The following DNER variants were observed in gnomAD, a reference collection of about 807,000 sequenced individuals.
The protein encoded by DNER is delta/notch like EGF repeat containing.
Under a neutral mutation model 78.2 loss-of-function variants are expected in DNER, and 33 were observed. The ratio of observed to expected loss-of-function variants is 0.42; its 90% CI spans 0.32 to 0.56. The LOEUF is 0.56. Ranked by LOEUF, DNER falls within the 20% of genes least tolerant of loss-of-function variation. The pLI, the probability that DNER is intolerant of heterozygous loss-of-function variation, is 0.11. For synonymous variants in DNER, 417 were observed against 384.8 expected (o/e 1.08, Z -0.98); for missense variants, 918 against 975.3 (o/e 0.94, Z 0.78).
At chr2:229,397,414 C>G (rs1257770426) in intron 10 of DNER, among the ~76,000 whole-genome samples, 1 of 123,924 alleles carries the variant, frequency 8.1e-6, no homozygotes, top group East Asian at 2.5e-4. Context: ...GGCAGCCTAA[C>G]AAGACAAAAA....
intron 1 of DNER, among the ~76,000 whole-genome samples, chr2:229,709,860 G>C (rs1272367540): frequency 6.6e-6 from 1 of 152,098 alleles, no homozygotes; most frequent in Non-Finnish European, 1.5e-5. Flanking sequence ...TAATACAAAT[G>C]TAAATAGCCC....
intron 8 of DNER, among the ~76,000 whole-genome samples, chr2:229,430,227 A>G (rs893780378): frequency 3.9e-5 from 6 of 152,144 alleles, no homozygotes; most frequent in South Asian, 4.1e-4. Context: ...ATGTTTTCTA[A>G]TTTTCCATTA....
chr2:229,512,970 TG>T (rs1695898819), intron 5 of DNER, 34 bp from the exon 6 acceptor site: 1 of 1,603,770 alleles, frequency 6.2e-7, no homozygotes, highest in African/African-American at 1.3e-5. Context: ...GTCTATTACC[TG>T]GCACCTCTCA....
chr2:229,452,843 GTC>G (rs1694490132), intron 7 of DNER, among the ~76,000 whole-genome samples: 1 of 151,984 alleles, frequency 6.6e-6, no homozygotes, highest in Non-Finnish European at 1.5e-5. Flanking sequence ...GGCCAGGCTG[GTC>G]TTGAACTCCT....
chr2:229,551,120 G>C (rs557086763), intron 4 of DNER, among the ~76,000 whole-genome samples: 1 of 152,310 alleles, frequency 6.6e-6, no homozygotes, highest in East Asian at 1.9e-4. Flanking sequence ...AGTCAGGACA[G>C]ACTTCCTACA....
intron 7 of DNER, among the ~76,000 whole-genome samples, chr2:229,459,284 G>T (rs933286605): frequency 1.3e-5 from 2 of 152,042 alleles, no homozygotes; most frequent in Admixed American, 6.6e-5. Flanking sequence ...AATCAAGTAA[G>T]TAGCTCTTAT....
chr2:229,563,089 TCAA>T (rs1370214447), intron 4 of DNER, among the ~76,000 whole-genome samples: 17 of 144,276 alleles, frequency 1.2e-4, no homozygotes, highest in South Asian at 2.4e-4. Context: ...ACCATCATCA[TCAA>T]CATCATCACA....
intron 1 of DNER, among the ~76,000 whole-genome samples, chr2:229,642,153 A>C (rs1559192853): frequency 6.6e-6 from 1 of 152,244 alleles, no homozygotes. Context: ...ACTTGTCTTT[A>C]AATTGATTTT....
chr2:229,407,971 G>T (rs1167751062), intron 9 of DNER, among the ~76,000 whole-genome samples: 1 of 152,184 alleles, frequency 6.6e-6, no homozygotes, highest in Non-Finnish European at 1.5e-5. Context: ...AAGGAGCTGG[G>T]ATTTGAAGCT....
At chr2:229,672,979 C>T (rs972242803) in intron 1 of DNER, among the ~76,000 whole-genome samples, 17 of 152,192 alleles carry the variant, frequency 1.1e-4, no homozygotes, top group African/African-American at 2.9e-4. Flanking sequence ...TGAGAGCCGC[C>T]CTGTGCACTG....
intron 10 of DNER, among the ~76,000 whole-genome samples, chr2:229,395,770 C>T (rs1376774815): frequency 3.9e-5 from 6 of 152,014 alleles, no homozygotes; most frequent in Non-Finnish European, 2.9e-5. Context: ...CGTGGTGGCA[C>T]ACCTGTAATC....
intron 5 of DNER, among the ~76,000 whole-genome samples, chr2:229,520,983 C>T (rs1696083817): frequency 6.6e-6 from 1 of 152,242 alleles, no homozygotes; most frequent in Non-Finnish European, 1.5e-5. Context: ...GTCTGGCTGC[C>T]TCTCAGCTTC....
At chr2:229,428,034 C>T (rs1368955923) in intron 8 of DNER, among the ~76,000 whole-genome samples, 3 of 148,598 alleles carry the variant, frequency 2.0e-5, no homozygotes, top group Non-Finnish European at 3.0e-5. Flanking sequence ...GGGATCGCAC[C>T]ACTGCATTCT....
chr2:229,569,262 C>A (rs977953327), intron 4 of DNER, among the ~76,000 whole-genome samples: 7 of 152,326 alleles, frequency 4.6e-5, no homozygotes, highest in African/African-American at 1.4e-4. Context: ...GTTGCTCAAG[C>A]CTGTAATCCC....
intron 1 of DNER, among the ~76,000 whole-genome samples, chr2:229,596,292 C>G (rs1318095357): frequency 6.6e-6 from 1 of 152,234 alleles, no homozygotes; most frequent in Non-Finnish European, 1.5e-5. Flanking sequence ...GGCCCAGTCT[C>G]AGGTCTTGAG....
At chr2:229,609,556 G>A (rs1434868761) in intron 1 of DNER, among the ~76,000 whole-genome samples, 1 of 152,186 alleles carries the variant, frequency 6.6e-6, no homozygotes, top group African/African-American at 2.4e-5. Flanking sequence ...GTGAACGGTT[G>A]CCACAGAGAC....
At chr2:229,533,799 A>G (rs1340568095) in intron 5 of DNER, among the ~76,000 whole-genome samples, 1 of 152,256 alleles carries the variant, frequency 6.6e-6, no homozygotes, top group Non-Finnish European at 1.5e-5. Flanking sequence ...TGAGCCTGTC[A>G]CTTCAAGCAA....
intron 1 of DNER, among the ~76,000 whole-genome samples, chr2:229,631,930 G>A (rs574355397): frequency 5.3e-5 from 8 of 152,264 alleles, no homozygotes; most frequent in South Asian, 2.1e-4. Context: ...AAATGTCAGC[G>A]AGAATTATTT....
chr2:229,638,035 A>G (rs906976021), intron 1 of DNER, among the ~76,000 whole-genome samples: 2 of 152,248 alleles, frequency 1.3e-5, no homozygotes, highest in Non-Finnish European at 1.5e-5. Flanking sequence ...TTCAGAGCTA[A>G]TGAGGATTTT....
Sources: gnomAD v4.1 joint callset for allele counts (sites outside exome capture counted in the v4.1 genomes callset) on GRCh38, gnomAD v4.1.1 for gene constraint, MANE v1.5 for transcripts, NCBI Gene and HGNC (gene_info 2026-07-23, HGNC 2026-07-21) for gene names.